The following BMERB1 variants were observed in gnomAD, a reference collection of about 807,000 sequenced individuals.
BMERB1 encodes bMERB domain containing 1, also known as bMERB domain-containing protein 1.
A neutral mutation model predicts 23.6 loss-of-function variants in BMERB1; 12 were observed. The ratio of observed to expected loss-of-function variants is 0.51; its 90% CI spans 0.33 to 0.82. BMERB1 has a LOEUF of 0.82. BMERB1 is among the 40% of genes least tolerant of loss of function. The pLI, the probability that BMERB1 is intolerant of heterozygous loss-of-function variation, is 0.03. For synonymous variants in BMERB1, 122 were observed against 96.6 expected (o/e 1.26, Z -1.54); for missense variants, 247 against 255.4 (o/e 0.97, Z 0.22).
intron 1 of BMERB1, among the ~76,000 whole-genome samples, chr16:15,469,481 T>C (rs2051211481): frequency 6.6e-6 from 1 of 152,232 alleles, no homozygotes; most frequent in Admixed American, 6.5e-5. Context: ...CCTATGCCTT[T>C]ATATATAAAA....
At chr16:15,440,437 T>C (rs376548944) in intron 1 of BMERB1, among the ~76,000 whole-genome samples, 16 of 152,170 alleles carry the variant, frequency 1.1e-4, no homozygotes, top group African/African-American at 3.6e-4. Flanking sequence ...GGCCAGCGTT[T>C]CAGGTTTCAT....
intron 1 of BMERB1, among the ~76,000 whole-genome samples, chr16:15,465,570 C>T (rs973081542): frequency 3.3e-5 from 5 of 152,064 alleles, no homozygotes; most frequent in African/African-American, 1.2e-4. Context: ...CCAGGCTGGT[C>T]TCAAACTCCT....
intron 1 of BMERB1, among the ~76,000 whole-genome samples, chr16:15,451,796 G>A (rs570718348): frequency 6.4e-5 from 8 of 125,330 alleles, no homozygotes; most frequent in East Asian, 2.4e-4. Flanking sequence ...GACTGGTCTT[G>A]GACTCCTGGG....
intron 1 of BMERB1, among the ~76,000 whole-genome samples, chr16:15,501,080 CT>C (rs2051524463): frequency 6.6e-6 from 1 of 152,068 alleles, no homozygotes; most frequent in South Asian, 2.1e-4. Flanking sequence ...ACTGATAATC[CT>C]TTAGATCTAT....
At chr16:15,478,956 TA>T (rs1288086245) in intron 1 of BMERB1, among the ~76,000 whole-genome samples, 1 of 152,220 alleles carries the variant, frequency 6.6e-6, no homozygotes, top group Non-Finnish European at 1.5e-5. Context: ...GAAAAGCACT[TA>T]TGCAGTGGCT....
chr16:15,550,329 G>A (rs1367044829), intron 2 of BMERB1, among the ~76,000 whole-genome samples: 1 of 151,476 alleles, frequency 6.6e-6, no homozygotes, highest in African/African-American at 2.4e-5. Context: ...CCCTAAGAAA[G>A]CCCACTCCTT....
intron 1 of BMERB1, among the ~76,000 whole-genome samples, chr16:15,450,586 T>C (rs1237484582): frequency 6.6e-6 from 1 of 152,192 alleles, no homozygotes; most frequent in Non-Finnish European, 1.5e-5. Flanking sequence ...TCCTCCTGCC[T>C]CAGCCTCCCG....
intron 2 of BMERB1, among the ~76,000 whole-genome samples, chr16:15,543,574 A>G (rs2052105946): frequency 6.6e-6 from 1 of 152,098 alleles, no homozygotes; most frequent in Admixed American, 6.6e-5. Context: ...TAATCCCAGC[A>G]CTTTGGGAGG....
At chr16:15,448,008 G>A (rs1353764937) in intron 1 of BMERB1, 2 of 435,188 alleles carry the variant, frequency 4.6e-6, no homozygotes, top group African/African-American at 4.0e-5. Context: ...TCCTGCCTCA[G>A]CCTCCTGAGT....
chr16:15,576,099 C>A (rs973727850), intron 3 of BMERB1, among the ~76,000 whole-genome samples: 1 of 147,206 alleles, frequency 6.8e-6, no homozygotes, highest in South Asian at 2.1e-4. Context: ...AGTGCAGTGG[C>A]GAGATCTGGG....
chr16:15,485,194 G>A (rs1221313295), intron 1 of BMERB1, among the ~76,000 whole-genome samples: 1 of 152,132 alleles, frequency 6.6e-6, no homozygotes, highest in Non-Finnish European at 1.5e-5. Flanking sequence ...AAGAGGTGGC[G>A]GTAGAATATT....
chr16:15,563,167 A>G (rs1008016777), intron 2 of BMERB1, among the ~76,000 whole-genome samples: 6 of 152,266 alleles, frequency 3.9e-5, no homozygotes, highest in Non-Finnish European at 8.8e-5. Flanking sequence ...GGATTGCTTG[A>G]GCCAAGGAGT....
At chr16:15,502,229 G>A (rs1218733308) in intron 1 of BMERB1, 4 of 1,481,268 alleles carry the variant, frequency 2.7e-6, no homozygotes, top group Non-Finnish European at 3.7e-6. Flanking sequence ...GAAACTCGCA[G>A]AAGTTAAAAA....
chr16:15,520,037 ACGTCCC>A, intron 2 of BMERB1, among the ~76,000 whole-genome samples: 1 of 152,246 alleles, frequency 6.6e-6, no homozygotes, highest in South Asian at 2.1e-4. Context: ...CCTGAGTGCT[ACGTCCC>A]CTGCATGCAT....
chr16:15,501,104 AAT>A (rs1351733675), intron 1 of BMERB1, among the ~76,000 whole-genome samples: 2 of 152,112 alleles, frequency 1.3e-5, no homozygotes, highest in African/African-American at 4.8e-5. Context: ...GATTAAATAA[AAT>A]ATGTTAGTGA....
chr16:15,509,108 A>G (rs1357250736), intron 1 of BMERB1, among the ~76,000 whole-genome samples: 1 of 151,862 alleles, frequency 6.6e-6, no homozygotes, highest in Non-Finnish European at 1.5e-5. Context: ...AGTTCCTGGG[A>G]TGTGATTAAT....
chr16:15,529,209 G>C (rs994195730), intron 2 of BMERB1, among the ~76,000 whole-genome samples: 1 of 152,000 alleles, frequency 6.6e-6, no homozygotes, highest in African/African-American at 2.4e-5. Context: ...GTATTTATTG[G>C]TAGAGACAGG....
At chr16:15,561,205 C>T (rs1209170703) in intron 2 of BMERB1, among the ~76,000 whole-genome samples, 1 of 150,088 alleles carries the variant, frequency 6.7e-6, no homozygotes, top group Non-Finnish European at 1.5e-5. Context: ...GACCTGCCCA[C>T]CTCAGCCTTC....
At chr16:15,468,285 A>G (rs2051201350) in intron 1 of BMERB1, among the ~76,000 whole-genome samples, 1 of 151,578 alleles carries the variant, frequency 6.6e-6, no homozygotes, top group African/African-American at 2.4e-5. Flanking sequence ...AACTGGGACT[A>G]TAGGTGTGCA....
Sources: allele counts gnomAD v4.1 joint callset (sites outside exome capture counted in the v4.1 genomes callset), GRCh38; gene constraint gnomAD v4.1.1; transcripts MANE v1.5; gene names NCBI Gene and HGNC (gene_info 2026-07-23, HGNC 2026-07-21).